The following APOD variants were observed in gnomAD, a reference collection of about 807,000 sequenced individuals.
APOD encodes apo-D.
APOD carries 22 observed loss-of-function variants against 20.4 expected under a neutral mutation model. The observed-to-expected ratio is 1.08, with a 90% CI of 0.77 to 1.54. The LOEUF is 1.54. APOD is among the 40% of genes most tolerant of loss of function. The probability of loss-of-function intolerance (pLI) is 0.00; values close to 1 mark genes in which losing one functional copy is unlikely to be tolerated. For synonymous variants in APOD, 97 were observed against 92.4 expected, an observed-to-expected ratio of 1.05 and a Z score of -0.29; for missense variants, 223 against 229.6, an observed-to-expected ratio of 0.97 and a Z score of 0.19.
rs182178647 is a variant in APOD, at chr3:195,573,546, G to A, written c.245+304C>T. Among the ~76,000 whole-genome samples, 269 of 152,314 alleles carry A rather than the reference G, an allele frequency of 1.8e-3. 1 individual carries two copies. The highest frequency in any genetic ancestry group is 0.015 in the South Asian group (73 of 4,830). On this transcript the variant is annotated intron_variant, in intron 3 of 4. Coordinates refer to ENST00000343267, the MANE Select transcript of APOD (RefSeq NM_001647.4). ...TTCTGTCAGCAGATGGTGTCGAAGC[G>A]GCTTCTCTCCCAGACTGGAGGTCAG...
Position 195,569,688 on chromosome 3 carries a change from C to G in APOD, c.335-553G>C, listed in dbSNP as rs144320649. On this transcript the variant is annotated intron_variant, in intron 4 of 4. Transcript: ENST00000343267. ...TATTGTTTATGGAAGAAACTTCAAG[C>G]CTTTTAATGTGGCATTCAAGGCCCT... Among the ~76,000 whole-genome samples the G allele has an allele frequency of 2.6e-3, 388 of 151,644 alleles. 2 individuals carry two copies. Among genetic ancestry groups the G allele is most frequent in the Non-Finnish European group, 4.3e-3 (293 of 67,964 alleles).
At chr3:195,573,281 T>C (rs1008326886) in intron 3 of APOD, among the ~76,000 whole-genome samples, 6 of 152,226 alleles carry the variant, frequency 3.9e-5, no homozygotes, top group Non-Finnish European at 8.8e-5. Context: ...AAGTTTATAG[T>C]TGCTTTCCAA....
chr3:195,582,816 C>T (rs955318828), intron 1 of APOD: 5 of 151,852 alleles, frequency 3.3e-5, no homozygotes, highest in African/African-American at 4.8e-5. Flanking sequence ...TCCTGTAATC[C>T]CAGCTACTTG....
At position 195,570,989 on chromosome 3, in the gene APOD, AC is replaced by A. The variant is rs551701653; in HGVS notation, c.334+287del. The A allele has an allele frequency of 2.7e-3, 1,247 of 459,026 alleles. 3 individuals are homozygous for A. The highest frequency in any genetic ancestry group is 4.4e-3 in the Non-Finnish European group (1,093 of 250,188). The allele number at this position is 459,026 out of a possible 1,614,324, so 28.4% of individuals were successfully genotyped here. On this transcript the variant is annotated intron_variant, in intron 4 of 4. Transcript: ENST00000343267. ...CTTCTGCAGCCCACACCCGGTGTGC[AC>A]CTACTTGTGTTTCACCTGTTGAAAC...
At chr3:195,572,400 A>G (rs1299728335) in intron 3 of APOD, among the ~76,000 whole-genome samples, 1 of 152,246 alleles carries the variant, frequency 6.6e-6, no homozygotes, top group East Asian at 1.9e-4. Flanking sequence ...ATATCTCACA[A>G]TTGATGTCAC....
rs369497400 is a variant in APOD, at chr3:195,568,833, G to GCGGT, written c.*66_*67insACCG. On this transcript the variant is annotated 3_prime_UTR_variant, in exon 5 of 5. Coordinates refer to ENST00000343267, the MANE Select transcript of APOD (RefSeq NM_001647.4). ...CGTGGTTGATTGGTTTGTCTTTATG[G>GCGGT]GGGGGGGGTAGGGGAAAGCGAAGCA... The GCGGT allele has an allele frequency of 9.6e-7, 1 of 1,041,146 alleles. No individual in the cohort carries two copies. The highest frequency in any genetic ancestry group is 1.8e-5 in the African/African-American group (1 of 55,460). The allele number at this position is 1,041,146 out of a possible 1,614,324, so 64.5% of individuals were successfully genotyped here. A position where few individuals can be genotyped will look rare whatever the true frequency, so the allele number is the denominator to read the frequency against.
rs1052417021 is a variant in APOD at position 195,571,438 on chromosome 3, T to C, written c.246-73A>G. 2.1e-5 allele frequency: 30 copies of C among 1,424,728 alleles called. No individual in the cohort carries two copies. The African/African-American group carries it at 3.6e-4, about 17-fold the overall frequency. 88.3% of individuals were successfully genotyped at this position (1,424,728 alleles called of 1,614,324 possible). On this transcript the variant is annotated intron_variant, in intron 3 of 4. Transcript: ENST00000343267. ...AGAAAAACAACTCATTGAAAGCCAATAAGCAACGAAAGGCAAGATTTGTGC... is the reference window on the plus strand; with the variant it reads ...AGAAAAACAACTCATTGAAAGCCAACAAGCAACGAAAGGCAAGATTTGTGC...
Position 195,568,831 on chromosome 3 carries a change from T to TC in APOD, c.*68_*69insG, listed in dbSNP as rs1553889294. The TC allele has an allele frequency of 1.2e-3, 1,104 of 898,488 alleles. 9 individuals are homozygous for TC. The African/African-American group carries it at 0.021, about 17-fold the overall frequency. The allele number at this position is 898,488 out of a possible 1,614,324, so 55.7% of individuals were successfully genotyped here. On this transcript the variant is annotated 3_prime_UTR_variant, in exon 5 of 5. Transcript: ENST00000343267. Reference sequence around the variant, plus strand: ...GTCGTGGTTGATTGGTTTGTCTTTATGGGGGGGGGGTAGGGGAAAGCGAAG... The same window carrying TC: ...GTCGTGGTTGATTGGTTTGTCTTTATCGGGGGGGGGGTAGGGGAAAGCGAAG...
intron 2 of APOD, chr3:195,577,296 C>T (rs1343971758): frequency 4.2e-6 from 1 of 236,934 alleles, no homozygotes; most frequent in Non-Finnish European, 8.5e-6. Flanking sequence ...AACTTATACT[C>T]TGAAAACTAC....
Position 195,569,105 on chromosome 3 carries a change from G to A in APOD, c.365C>T (p.Ala122Val), listed in dbSNP as rs1331041539. Residue 122 changes from alanine (A) to valine (V), a missense_variant, in exon 5 of 5, where the codon GCC (alanine) becomes GTC (valine). Transcript: ENST00000343267. ...GAGGGCATAGTTCTCATAGTCGGTG[G>A]CCAGGATCCAGTACGGTGCCGATGG... ...FMPSAPYWIL[A>V]TDYENYALVY... 1.9e-6 allele frequency: 3 copies of A among 1,614,130 alleles called. No individual in the cohort carries two copies. In the Admixed American group the frequency reaches 5.0e-5, roughly 27 times the overall value.
chr3:195,573,999 C>A (rs1253098417), intron 2 of APOD, 28 bp from the exon 3 acceptor site: 1 of 1,610,990 alleles, frequency 6.2e-7, no homozygotes, highest in Non-Finnish European at 8.5e-7. Context: ...AGAGCAAAAC[C>A]CTGTGGTTCT....
rs766209610 is a variant in APOD at position 195,568,932 on chromosome 3, T to C, written c.538A>G (p.Thr180Ala). 1 of 1,614,144 alleles carries C rather than the reference T, an allele frequency of 6.2e-7. No homozygotes were observed. The highest frequency in any genetic ancestry group is 2.2e-5 in the East Asian group (1 of 44,880). Residue 180 changes from threonine (T) to alanine (A), a missense_variant, in exon 5 of 5, where the codon ACA becomes GCA. Transcript: ENST00000343267. The stretch of plus-strand genomic sequence containing the variant: ...AGCTTGGGGCAGTTCACCTGGTCTG[T>C]GACCGTCATTTTCTTGACATCAATG... ...NNIDVKKMTV[T>A]DQVNCPKLS
intron 1 of APOD, 87 bp from the exon 2 acceptor site, chr3:195,579,582 C>A: frequency 7.0e-7 from 1 of 1,420,912 alleles, no homozygotes; most frequent in Non-Finnish European, 9.5e-7. Context: ...GCCCATGGTC[C>A]CCTCTGTGGG....
intron 1 of APOD, chr3:195,582,467 A>G (rs551957033): frequency 6.6e-6 from 1 of 152,296 alleles, no homozygotes; most frequent in African/African-American, 2.4e-5. Flanking sequence ...TTGGCCGGGC[A>G]TGATGGCTAA....
chr3:195,571,297 A>C lies in APOD; in HGVS notation c.314T>G (p.Leu105Arg), dbSNP rs1321463002. ...TPVNLTEPAK[L>R]EVKFSWFMPS... ...CTTACACCAGGAAAACTTAACTTCC[A>C]GCTTGGCAGGCTCTGTGAGGTTAAC... The change falls in exon 4 of 5, where the codon CTG (leucine) becomes CGG (arginine). Residue 105 changes from leucine (L) to arginine (R), a missense_variant. By Grantham distance (102) the Leu-to-Arg change is moderately radical (BLOSUM62 -2). Coordinates refer to ENST00000343267, the MANE Select transcript of APOD (RefSeq NM_001647.4). 2 of 1,614,032 alleles carry C rather than the reference A, an allele frequency of 1.2e-6. No individual in the cohort carries two copies.
chr3:195,581,925 A>T (rs1720345254), intron 1 of APOD, among the ~76,000 whole-genome samples: 1 of 152,124 alleles, frequency 6.6e-6, no homozygotes, highest in Admixed American at 6.5e-5. Flanking sequence ...CTGTAATCCC[A>T]TGGGAGGCCG....
At chr3:195,571,455 G>T in intron 3 of APOD, 90 bp from the exon 4 acceptor site, 2 of 1,229,598 alleles carry the variant, frequency 1.6e-6, no homozygotes, top group South Asian at 1.3e-5. Flanking sequence ...CGAAAGGCAA[G>T]ATTTGTGCCA....
At chr3:195,577,968 A>T (rs1242855302) in intron 2 of APOD, among the ~76,000 whole-genome samples, 5 of 152,086 alleles carry the variant, frequency 3.3e-5, no homozygotes, top group African/African-American at 1.2e-4. Flanking sequence ...AAATGTTCTA[A>T]ATCGATGGTG....
chr3:195,580,796 G>C (rs1316850366), intron 1 of APOD, among the ~76,000 whole-genome samples: 1 of 152,238 alleles, frequency 6.6e-6, no homozygotes. Flanking sequence ...TCAACCCCAA[G>C]AGTCCTTTGG....
Sources: allele counts gnomAD v4.1 joint callset (sites outside exome capture counted in the v4.1 genomes callset), GRCh38; gene constraint gnomAD v4.1.1; transcripts MANE v1.5; gene names NCBI Gene and HGNC (gene_info 2026-07-23, HGNC 2026-07-21).